The following ELMO1 variants were observed in gnomAD, a reference collection of about 807,000 sequenced individuals.
ELMO1 encodes the protein engulfment and cell motility protein 1.
ELMO1 carries 26 observed loss-of-function variants against 98.9 expected under a neutral mutation model. That is an observed-to-expected ratio of 0.26 (90% CI 0.19 to 0.36). The LOEUF is 0.36. Among genes scored for constraint, ELMO1 ranks in the 10% least tolerant of loss-of-function variants. ELMO1 has a pLI of 1.00. For missense variants in ELMO1, 627 were observed against 935.2 expected (o/e 0.67, Z 4.30); for synonymous variants, 346 against 346.0 (o/e 1.00, Z 0.00).
intron 16 of ELMO1, among the ~76,000 whole-genome samples, chr7:37,005,687 T>C (rs1584504498): frequency 8.5e-6 from 1 of 118,230 alleles, no homozygotes; most frequent in African/African-American, 3.7e-5. Flanking sequence ...AGCGAGACTC[T>C]GTCTCAAAAA....
At chr7:37,421,155 T>G (rs1253771619) in intron 1 of ELMO1, among the ~76,000 whole-genome samples, 1 of 152,230 alleles carries the variant, frequency 6.6e-6, no homozygotes, top group Admixed American at 6.5e-5. Context: ...TTTAGAATCC[T>G]GAGTTTTCTG....
At chr7:37,087,432 C>T (rs1222210699) in intron 15 of ELMO1, among the ~76,000 whole-genome samples, 1 of 151,492 alleles carries the variant, frequency 6.6e-6, no homozygotes, top group Non-Finnish European at 1.5e-5. Context: ...TTGTCACTTT[C>T]TGGCAGATTT....
chr7:37,141,732 C>T lies in ELMO1; in HGVS notation c.1087-8498G>A, dbSNP rs1787657152. Among the ~76,000 whole-genome samples, 4 of 152,262 alleles carry T rather than the reference C, an allele frequency of 2.6e-5. No homozygotes were observed. In the South Asian group the frequency reaches 8.3e-4, roughly 32 times the overall value. On this transcript the variant is annotated intron_variant, in intron 13 of 21. Coordinates refer to ENST00000310758, the MANE Select transcript of ELMO1 (RefSeq NM_014800.11). Reference sequence around the variant, plus strand: ...GGATAAACAGCATGAATCTCTGTTTCTCCAGGGCAATTTTGGTTAAAGGCA... The same window carrying T: ...GGATAAACAGCATGAATCTCTGTTTTTCCAGGGCAATTTTGGTTAAAGGCA...
At chr7:36,951,767 C>T (rs1373122951) in intron 16 of ELMO1, among the ~76,000 whole-genome samples, 2 of 152,186 alleles carry the variant, frequency 1.3e-5, no homozygotes, top group African/African-American at 4.8e-5. Context: ...CTTGAGACCA[C>T]GTTGCTTTGT....
intron 17 of ELMO1, among the ~76,000 whole-genome samples, chr7:36,890,026 C>A (rs1805418033): frequency 6.6e-6 from 1 of 152,178 alleles, no homozygotes; most frequent in South Asian, 2.1e-4. Context: ...GTAAGCCCTA[C>A]AGTATGTTTC....
intron 13 of ELMO1, among the ~76,000 whole-genome samples, chr7:37,135,023 C>A (rs1787176465): frequency 6.6e-6 from 1 of 152,144 alleles, no homozygotes; most frequent in Admixed American, 6.5e-5. Flanking sequence ...ATCCATGCAA[C>A]AAAAATTATA....
chr7:37,206,726 T>C (rs753706369), intron 13 of ELMO1, among the ~76,000 whole-genome samples: 3 of 152,188 alleles, frequency 2.0e-5, no homozygotes, highest in Non-Finnish European at 2.9e-5. Context: ...CACCTTCACA[T>C]TTTAGTCATT....
Position 37,213,277 on chromosome 7 carries a change from CTT to C in ELMO1, c.954+56_954+57del. ...AGTTTCAGGGTACCTCAAGAAAAGA[CTT>C]TTAATGACACTTTCTGTCCTTCCTG... On this transcript the variant is annotated intron_variant, in intron 12 of 21. Coordinates refer to ENST00000310758, the MANE Select transcript of ELMO1 (RefSeq NM_014800.11). The C allele has an allele frequency of 8.2e-6, 13 of 1,578,046 alleles. No individual in the cohort carries two copies. The South Asian group carries it at 1.3e-4, about 16-fold the overall frequency.
chr7:36,879,258 T>G (rs559501303), intron 18 of ELMO1, among the ~76,000 whole-genome samples: 1 of 152,182 alleles, frequency 6.6e-6, no homozygotes, highest in Non-Finnish European at 1.5e-5. Flanking sequence ...GTCTGACACA[T>G]AAAAGTTGCA....
At chr7:37,180,256 C>CCGTCT (rs1354107088) in intron 13 of ELMO1, among the ~76,000 whole-genome samples, 2 of 152,102 alleles carry the variant, frequency 1.3e-5, no homozygotes, top group African/African-American at 4.8e-5. Flanking sequence ...CTGAAAAATG[C>CCGTCT]CGTCTCCGTG....
intron 15 of ELMO1, among the ~76,000 whole-genome samples, chr7:37,088,872 G>A (rs79925022): frequency 0.056 from 8,448 of 152,138 alleles, 572 homozygotes; most frequent in African/African-American, 0.17. Flanking sequence ...TAGAACATTT[G>A]TTTTTGTTTT....
Position 36,861,656 on chromosome 7 carries a change from T to C in ELMO1, c.1983+3A>G, listed in dbSNP as rs1258540275. 3 of 1,613,494 alleles carry C rather than the reference T, an allele frequency of 1.9e-6. No individual in the cohort carries two copies. Among genetic ancestry groups the C allele is most frequent in the African/African-American group, 2.7e-5 (2 of 74,796 alleles). On this transcript the variant is annotated splice_donor_region_variant and intron_variant, in intron 21 of 21. Coordinates refer to ENST00000310758, the MANE Select transcript of ELMO1 (RefSeq NM_014800.11). ...CATAAATTATCACCCCCGAGACCCT[T>C]ACCTCATGCTTGTCAGGAGCGATGA...
In ELMO1 at chr7:37,087,928, C is replaced by T. The variant is rs147520805; in HGVS notation, c.1300+8691G>A. On this transcript the variant is annotated intron_variant, in intron 15 of 21. Coordinates refer to ENST00000310758, the MANE Select transcript of ELMO1 (RefSeq NM_014800.11). ...TTCTGAGGGAGCTGTAATGCCCTCCCACAGTGAAGATGAGGCGAGGAATCA... is the reference window on the plus strand; with the variant it reads ...TTCTGAGGGAGCTGTAATGCCCTCCTACAGTGAAGATGAGGCGAGGAATCA... 8.3e-4 allele frequency among the ~76,000 whole-genome samples: 126 copies of T among 152,226 alleles called. No homozygotes were observed. The Middle Eastern group carries it at 0.01, about 12-fold the overall frequency.
intron 4 of ELMO1, among the ~76,000 whole-genome samples, chr7:37,301,387 T>C (rs1200614416): frequency 2.0e-5 from 3 of 152,044 alleles, no homozygotes; most frequent in African/African-American, 4.8e-5. Context: ...TATCTCCTAA[T>C]GAAATGAAAA....
intron 1 of ELMO1, among the ~76,000 whole-genome samples, chr7:37,414,477 T>C (rs969820371): frequency 1.3e-5 from 2 of 152,234 alleles, no homozygotes; most frequent in African/African-American, 2.4e-5. Context: ...TGGATACTTG[T>C]TGGGGCACAC....
At chr7:37,394,457 TC>T in intron 1 of ELMO1, among the ~76,000 whole-genome samples, 1 of 152,262 alleles carries the variant, frequency 6.6e-6, no homozygotes, top group Middle Eastern at 3.4e-3. Flanking sequence ...AACAGGAATC[TC>T]TGAAGGGTTG....
At chr7:36,990,874 C>G (rs1002670574) in intron 16 of ELMO1, among the ~76,000 whole-genome samples, 8 of 152,020 alleles carry the variant, frequency 5.3e-5, no homozygotes, top group African/African-American at 1.9e-4. Flanking sequence ...CTTAGTTCAC[C>G]TATAGGTCTT....
intron 20 of ELMO1, among the ~76,000 whole-genome samples, chr7:36,863,928 T>A (rs1338542936): frequency 6.6e-6 from 1 of 152,216 alleles, no homozygotes; most frequent in African/African-American, 2.4e-5. Flanking sequence ...CTTAGAGTCA[T>A]TTATTAGGAA....
At chr7:37,434,844 C>G (rs923739301) in intron 1 of ELMO1, among the ~76,000 whole-genome samples, 1 of 152,224 alleles carries the variant, frequency 6.6e-6, no homozygotes, top group Non-Finnish European at 1.5e-5. Flanking sequence ...ACCTCCCTGA[C>G]TACATTAATC....
Sources: gnomAD v4.1 joint callset for allele counts (sites outside exome capture counted in the v4.1 genomes callset) on GRCh38, gnomAD v4.1.1 for gene constraint, MANE v1.5 for transcripts, NCBI Gene and HGNC (gene_info 2026-07-23, HGNC 2026-07-21) for gene names.